The following PPIL2 variants were observed in gnomAD, a reference collection of about 807,000 sequenced individuals.
The protein encoded by PPIL2 is peptidylprolyl isomerase like 2, also known as RING-type E3 ubiquitin-protein ligase PPIL2.
Under a neutral mutation model 75.2 loss-of-function variants are expected in PPIL2, and 50 were observed. The ratio of observed to expected loss-of-function variants is 0.66; its 90% CI spans 0.53 to 0.84. The LOEUF (loss-of-function observed/expected upper bound fraction) is 0.84. Ranked by LOEUF, PPIL2 falls within the 40% of genes least tolerant of loss-of-function variation. PPIL2 has a pLI of 0.00. For synonymous variants in PPIL2, 245 were observed against 258.8 expected (o/e 0.95, Z 0.51); for missense variants, 590 against 685.0 (o/e 0.86, Z 1.55).
chr22:21,695,245 C>G, intron 19 of PPIL2, 149 bp from the exon 20 acceptor site: 1 of 1,324,598 alleles, frequency 7.5e-7, no homozygotes, highest in Non-Finnish European at 1.0e-6. Flanking sequence ...GCCGGGGCCT[C>G]TGTGGGTGGA....
At position 21,695,572 on chromosome 22, in the gene PPIL2, C is replaced by A; in HGVS notation, c.*82C>A. On this transcript the variant is annotated 3_prime_UTR_variant, in exon 20 of 20. Coordinates refer to ENST00000398831, the MANE Select transcript of PPIL2 (RefSeq NM_014337.4). ...ACATCTCCATTTCCAGCCTTTCTAGCCTGCCCTCTGCTGCCAGCCAATAAA... is the reference window on the plus strand; with the variant it reads ...ACATCTCCATTTCCAGCCTTTCTAGACTGCCCTCTGCTGCCAGCCAATAAA... 6.5e-7 allele frequency: 1 copy of A among 1,540,314 alleles called. No homozygotes were observed. Among genetic ancestry groups the A allele is most frequent in the South Asian group, 1.2e-5 (1 of 82,964 alleles).
At chr22:21,694,546 T>TCAGCTCAA (rs2148579255) in intron 16 of PPIL2, 47 bp from the exon 17 acceptor site, 1 of 1,604,504 alleles carries the variant, frequency 6.2e-7, no homozygotes, top group Non-Finnish European at 8.5e-7. Context: ...GCCGTGGGGG[T>TCAGCTCAA]GCCCTCCTTG....
At chr22:21,687,592 GCTGCCTTTGGCAGCTCT>G (rs768968928) in intron 12 of PPIL2, 34 bp from the exon 13 acceptor site, 16 of 1,035,234 alleles carry the variant, frequency 1.5e-5, no homozygotes, top group Non-Finnish European at 2.3e-5. Flanking sequence ...GCTGTGGTGA[GCTGCCTTTGGCAGCTCT>G]CTGCTTCATA....
At chr22:21,692,030 C>T (rs546492207) in intron 15 of PPIL2, among the ~76,000 whole-genome samples, 35 of 151,150 alleles carry the variant, frequency 2.3e-4, no homozygotes, top group African/African-American at 4.9e-4. Context: ...TGCTCCGTGC[C>T]GCCAGCGCCG....
chr22:21,677,843 G>C (rs1468755762), intron 6 of PPIL2, among the ~76,000 whole-genome samples: 1 of 152,212 alleles, frequency 6.6e-6, no homozygotes, highest in Non-Finnish European at 1.5e-5. Context: ...GGGTGTGCCA[G>C]AGGCTGCTTG....
intron 1 of PPIL2, among the ~76,000 whole-genome samples, chr22:21,668,657 TAAAG>T (rs1268955233): frequency 4.0e-5 from 6 of 148,538 alleles, no homozygotes; most frequent in Non-Finnish European, 8.9e-5. Context: ...TAAATAAAAA[TAAAG>T]AAATAGAAAT....
chr22:21,699,283 T>G (rs552755973), downstream of PPIL2: 2 of 152,558 alleles, frequency 1.3e-5, no homozygotes, highest in East Asian at 3.8e-4. Context: ...TCAGAGCCAC[T>G]TGCCAGGCTG....
At chr22:21,678,145 C>T (rs959763021) in intron 6 of PPIL2, among the ~76,000 whole-genome samples, 5 of 152,060 alleles carry the variant, frequency 3.3e-5, no homozygotes, top group East Asian at 1.9e-4. Context: ...CTTGGGCTTC[C>T]GCTCCAAGAT....
At chr22:21,698,411 T>C (rs942935236), downstream of PPIL2, 2 of 152,304 alleles carry the variant, frequency 1.3e-5, no homozygotes, top group African/African-American at 2.4e-5. Flanking sequence ...AGAACTTTAG[T>C]ATATACAAAA....
At chr22:21,686,640 A>C in intron 11 of PPIL2, 82 bp downstream of exon 11, 4 of 1,413,180 alleles carry the variant, frequency 2.8e-6, no homozygotes, top group Non-Finnish European at 4.0e-6. Flanking sequence ...CTCCCACTTT[A>C]TTGGTCTGTC....
intron 7 of PPIL2, 68 bp downstream of exon 7, chr22:21,681,458 C>CAGCCCAGCCAGTGTA: frequency 7.1e-7 from 1 of 1,400,388 alleles, no homozygotes; most frequent in Non-Finnish European, 1.0e-6. Flanking sequence ...CTAGTATACA[C>CAGCCCAGCCAGTGTA]TGGCTGGGCT....
intron 11 of PPIL2, 48 bp from the exon 12 acceptor site, chr22:21,686,844 G>T: frequency 6.5e-7 from 1 of 1,541,708 alleles, no homozygotes; most frequent in Non-Finnish European, 9.0e-7. Context: ...GCATGGTGGG[G>T]CTGCCCCAGG....
chr22:21,669,547 C>A, intron 1 of PPIL2: 1 of 351,600 alleles, frequency 2.8e-6, no homozygotes, highest in South Asian at 2.3e-5. Flanking sequence ...GTCACCCAGG[C>A]TGGAGTACAG....
At chr22:21,668,782 G>A (rs1448158282) in intron 1 of PPIL2, among the ~76,000 whole-genome samples, 1 of 144,968 alleles carries the variant, frequency 6.9e-6, no homozygotes, top group African/African-American at 2.6e-5. Flanking sequence ...CATGGTCTCC[G>A]CTCACTGCAA....
In PPIL2 at chr22:21,696,298, GC is replaced by G; in HGVS notation, c.*812del. 9.6e-7 allele frequency: 1 copy of G among 1,046,984 alleles called. No individual in the cohort carries two copies. The highest frequency in any genetic ancestry group is 8.3e-5 in the East Asian group (1 of 12,006). 64.9% of individuals were successfully genotyped at this position (1,046,984 alleles called of 1,614,324 possible). A position where few individuals can be genotyped will look rare whatever the true frequency, so the allele number is the denominator to read the frequency against. On this transcript the variant is annotated 3_prime_UTR_variant, in exon 20 of 20. Coordinates refer to ENST00000398831, the MANE Select transcript of PPIL2 (RefSeq NM_014337.4). ...TCTCAAGCCTGCCTGGCGTCTCTGTGCCCCTGTGAGAATCTTGAGGGGACCC... is the reference window on the plus strand; with the variant it reads ...TCTCAAGCCTGCCTGGCGTCTCTGTGCCCTGTGAGAATCTTGAGGGGACCC...
At position 21,675,128 on chromosome 22, in the gene PPIL2, A is replaced by G. The variant is rs1250479207; in HGVS notation, c.295+13A>G. 6.2e-7 allele frequency: 1 copy of G among 1,609,852 alleles called. No individual in the cohort carries two copies. Among genetic ancestry groups the G allele is most frequent in the Non-Finnish European group, 8.5e-7 (1 of 1,176,254 alleles). ...AAGAACAGTGAGGGTGAGTGGAACT[A>G]TCACAGCCAATTCTGGGCTTGACCT... On this transcript the variant is annotated intron_variant, in intron 6 of 19. Transcript: ENST00000398831.
chr22:21,670,222 T>C, intron 2 of PPIL2: 1 of 1,098,074 alleles, frequency 9.1e-7, no homozygotes, highest in Non-Finnish European at 1.3e-6. Context: ...GTAAATGAAA[T>C]ACAAAATTAC....
At chr22:21,668,888 T>C (rs1194644296) in intron 1 of PPIL2, among the ~76,000 whole-genome samples, 2 of 151,762 alleles carry the variant, frequency 1.3e-5, no homozygotes, top group African/African-American at 4.8e-5. Context: ...ATTTTTTGTA[T>C]TTTCAGTAGA....
At chr22:21,678,962 T>G in intron 6 of PPIL2, among the ~76,000 whole-genome samples, 1 of 150,554 alleles carries the variant, frequency 6.6e-6, no homozygotes, top group Middle Eastern at 3.2e-3. Flanking sequence ...AATGGCGTGA[T>G]CTCGGCTCAC....
Sources: gnomAD v4.1 joint callset for allele counts (sites outside exome capture counted in the v4.1 genomes callset) on GRCh38, gnomAD v4.1.1 for gene constraint, MANE v1.5 for transcripts, NCBI Gene and HGNC (gene_info 2026-07-23, HGNC 2026-07-21) for gene names.